The following DSCAM variants were observed in gnomAD, a reference collection of about 807,000 sequenced individuals.
DSCAM encodes the protein DS cell adhesion molecule.
In DSCAM, 47 loss-of-function variants were observed where a neutral mutation model predicts 217.7. The ratio of observed to expected loss-of-function variants is 0.22; its 90% CI spans 0.17 to 0.28. DSCAM has a LOEUF of 0.28. Ranked by LOEUF, DSCAM falls within the 10% of genes least tolerant of loss-of-function variation. The pLI, the probability that DSCAM is intolerant of heterozygous loss-of-function variation, is 1.00. For missense variants in DSCAM, 2,080 were observed against 2,618.3 expected (o/e 0.79, Z 4.49); for synonymous variants, 1,056 against 1,015.3 (o/e 1.04, Z -0.76).
intron 11 of DSCAM, among the ~76,000 whole-genome samples, chr21:40,259,580 A>G (rs1473647161): frequency 1.3e-5 from 2 of 151,690 alleles, no homozygotes; most frequent in African/African-American, 4.8e-5. Context: ...ATTTCCTTAG[A>G]AAGAAGGCTA....
In DSCAM at chr21:40,057,873, C is replaced by CTTTTTTTT. The variant is rs71186913; in HGVS notation, c.4920-2041_4920-2034dup. 9.4e-4 allele frequency among the ~76,000 whole-genome samples: 101 copies of CTTTTTTTT among 107,202 alleles called. 5 individuals are homozygous for CTTTTTTTT. The highest frequency in any genetic ancestry group is 2.7e-3 in the African/African-American group (70 of 26,252). The allele number at this position is 107,202 out of a possible 152,430, so 70.3% of individuals were successfully genotyped here. On this transcript the variant is annotated intron_variant, in intron 28 of 32. Transcript: ENST00000400454. ...TGATGCAATCACAGTTCACTGCAGTCTTTTTTTTTTTTTTTTTTTTGAGAT... is the reference window on the plus strand; with the variant it reads ...TGATGCAATCACAGTTCACTGCAGTCTTTTTTTTTTTTTTTTTTTTTTTTTTTTGAGAT...
At position 40,803,776 on chromosome 21, in the gene DSCAM, G is replaced by GA. The variant is rs113600270; in HGVS notation, c.43+42842dup. 3.2e-3 allele frequency among the ~76,000 whole-genome samples: 474 copies of GA among 148,158 alleles called. 1 individual carries two copies. The highest frequency in any genetic ancestry group is 0.01 in the African/African-American group (409 of 40,500). On this transcript the variant is annotated intron_variant, in intron 1 of 32. Coordinates refer to ENST00000400454, the MANE Select transcript of DSCAM (RefSeq NM_001389.5). The stretch of plus-strand genomic sequence containing the variant: ...AGGAAAAGAGGAAGGGAAGAATGGG[G>GA]AAAAAAAAAACACCTTTATACCTGT...
intron 3 of DSCAM, among the ~76,000 whole-genome samples, chr21:40,554,018 G>C (rs558719177): frequency 6.6e-6 from 1 of 152,064 alleles, no homozygotes; most frequent in East Asian, 1.9e-4. Context: ...TATTGTTTAA[G>C]ACAGGGTCAT....
At chr21:40,376,552 C>CGATATCGATATATCTTATATA (rs2074958034) in intron 3 of DSCAM, among the ~76,000 whole-genome samples, 8 of 39,668 alleles carry the variant, frequency 2.0e-4, no homozygotes, top group Admixed American at 7.7e-4. Context: ...TATCTTATAT[C>CGATATCGATATATCTTATATA]GATATCTATA....
Position 40,768,578 on chromosome 21 carries a change from CT to C in DSCAM, c.44-59808del, listed in dbSNP as rs1238608364. Among the ~76,000 whole-genome samples, 13 of 152,312 alleles carry C rather than the reference CT, an allele frequency of 8.5e-5. No homozygotes were observed. In the South Asian group the frequency reaches 2.5e-3, roughly 29 times the overall value. On this transcript the variant is annotated intron_variant, in intron 1 of 32. Coordinates refer to ENST00000400454, the MANE Select transcript of DSCAM (RefSeq NM_001389.5). The stretch of plus-strand genomic sequence containing the variant: ...TTTTGGGTATAATGAACGAAGCCAG[CT>C]TCAGTTTATTTTCATTAAACACAAT...
At chr21:40,398,660 G>T in intron 3 of DSCAM, among the ~76,000 whole-genome samples, 1 of 144,036 alleles carries the variant, frequency 6.9e-6, no homozygotes. Flanking sequence ...TTTTGAGATG[G>T]AGTCTCACTC....
chr21:40,286,552 C>T (rs73904763), intron 10 of DSCAM, among the ~76,000 whole-genome samples: 10,888 of 152,238 alleles, frequency 0.072, 1,302 homozygotes, highest in African/African-American at 0.25. Context: ...TTAATATAAA[C>T]CCCCTGCTTT....
intron 20 of DSCAM, among the ~76,000 whole-genome samples, chr21:40,103,859 A>C (rs1002113838): frequency 6.6e-6 from 1 of 151,106 alleles, no homozygotes; most frequent in African/African-American, 2.4e-5. Context: ...TATGTAGACT[A>C]TATATATAAT....
At chr21:40,649,508 G>A (rs2089988851) in intron 3 of DSCAM, among the ~76,000 whole-genome samples, 1 of 152,194 alleles carries the variant, frequency 6.6e-6, no homozygotes, top group Admixed American at 6.5e-5. Context: ...AACACATTAT[G>A]CCACATTGTT....
At chr21:40,237,513 C>T (rs149317500) in intron 11 of DSCAM, among the ~76,000 whole-genome samples, 1,591 of 152,258 alleles carry the variant, frequency 0.01, 30 homozygotes, top group African/African-American at 0.036. Flanking sequence ...TGGTTTCCAG[C>T]TTCATCCATG....
chr21:40,353,182 A>G lies in DSCAM; in HGVS notation c.934+283T>C, dbSNP rs2074652143. 2.6e-5 allele frequency among the ~76,000 whole-genome samples: 4 copies of G among 152,178 alleles called. No homozygotes were observed. In the South Asian group the frequency reaches 8.3e-4, roughly 31 times the overall value. On this transcript the variant is annotated intron_variant, in intron 5 of 32. Transcript: ENST00000400454. ...CTAGGAAGTGTTATCTTGAAATCAT[A>G]TCTTGGAAATGTAATAGTCTGTGGC... is the stretch of plus-strand genomic sequence containing the variant.
chr21:40,175,062 A>AAAG (rs1223809734), intron 15 of DSCAM, among the ~76,000 whole-genome samples: 1 of 152,158 alleles, frequency 6.6e-6, no homozygotes, highest in Non-Finnish European at 1.5e-5. Context: ...GGGCTGCTAT[A>AAAG]ACAAAGTACT....
chr21:40,446,554 G>T lies in DSCAM; in HGVS notation c.509-77309C>A, dbSNP rs189722490. Among the ~76,000 whole-genome samples the T allele has an allele frequency of 2.0e-5, 3 of 152,150 alleles. No individual in the cohort carries two copies. In the East Asian group the frequency reaches 5.8e-4, roughly 29 times the overall value. On this transcript the variant is annotated intron_variant, in intron 3 of 32. Coordinates refer to ENST00000400454, the MANE Select transcript of DSCAM (RefSeq NM_001389.5). The stretch of plus-strand genomic sequence containing the variant: ...AGGATCAACTGCATTAAGGAAGAGC[G>T]ATTCCCAGTCAGTGTTTCTGTCAAT...
At chr21:40,134,187 G>A (rs2090184133) in intron 18 of DSCAM, among the ~76,000 whole-genome samples, 178 bp from the exon 19 acceptor site, 1 of 152,102 alleles carries the variant, frequency 6.6e-6, no homozygotes, top group South Asian at 2.1e-4. Flanking sequence ...GGTGTCACGT[G>A]GCCCTTTGGA....
At chr21:40,143,274 C>T (rs549893554) in intron 17 of DSCAM, among the ~76,000 whole-genome samples, 41 of 152,330 alleles carry the variant, frequency 2.7e-4, no homozygotes, top group African/African-American at 9.6e-4. Context: ...TAGTACTGAG[C>T]TTTTGTAAAC....
At chr21:40,212,899 T>C (rs1206363508) in intron 11 of DSCAM, among the ~76,000 whole-genome samples, 1 of 152,026 alleles carries the variant, frequency 6.6e-6, no homozygotes, top group Non-Finnish European at 1.5e-5. Context: ...AAAGAAGCCA[T>C]GTGAAGGTGG....
At chr21:40,251,588 T>A (rs2146961402) in intron 11 of DSCAM, among the ~76,000 whole-genome samples, 1 of 152,236 alleles carries the variant, frequency 6.6e-6, no homozygotes, top group Admixed American at 6.5e-5. Context: ...TTTCCTGTAC[T>A]TTTTGTTGGG....
Position 40,287,633 on chromosome 21 carries a change from T to C in DSCAM, c.2182+8422A>G, listed in dbSNP as rs370225344. ...TCTGGAGTGCCTAGTTTTATTTCTA[T>C]GAATCTCTCAACAAAAGAATCAAGT... On this transcript the variant is annotated intron_variant, in intron 10 of 32. Transcript: ENST00000400454. 2.6e-5 allele frequency among the ~76,000 whole-genome samples: 4 copies of C among 152,198 alleles called. No individual in the cohort carries two copies. In the East Asian group the frequency reaches 7.7e-4, roughly 29 times the overall value.
At chr21:40,696,180 T>G (rs1429962548) in intron 2 of DSCAM, among the ~76,000 whole-genome samples, 1 of 152,066 alleles carries the variant, frequency 6.6e-6, no homozygotes, top group Admixed American at 6.5e-5. Context: ...AGTTAGGCTC[T>G]CCCCAGAGAG....
Sources: allele counts gnomAD v4.1 joint callset (sites outside exome capture counted in the v4.1 genomes callset), GRCh38; gene constraint gnomAD v4.1.1; transcripts MANE v1.5; gene names NCBI Gene and HGNC (gene_info 2026-07-23, HGNC 2026-07-21).